The following SHISA6 variants were observed in gnomAD, a reference collection of about 807,000 sequenced individuals.
SHISA6 encodes protein shisa-6.
A neutral mutation model predicts 47.9 loss-of-function variants in SHISA6; 22 were observed. The ratio of observed to expected loss-of-function variants is 0.46; its 90% confidence interval spans 0.33 to 0.66. The LOEUF (loss-of-function observed/expected upper bound fraction) is 0.66. Ranked by LOEUF, SHISA6 falls within the 30% of genes least tolerant of loss-of-function variation. SHISA6 has a pLI of 0.02. For missense variants in SHISA6, 680 were observed against 764.6 expected, an observed-to-expected ratio of 0.89 and a Z score of 1.30; for synonymous variants, 388 against 337.8, an observed-to-expected ratio of 1.15 and a Z score of -1.63.
intron 2 of SHISA6, among the ~76,000 whole-genome samples, chr17:11,327,119 A>G (rs1910923733): frequency 6.6e-6 from 1 of 152,230 alleles, no homozygotes; most frequent in African/African-American, 2.4e-5. Flanking sequence ...TGTTGAGGAT[A>G]GATGAGTCTA....
intron 2 of SHISA6, among the ~76,000 whole-genome samples, chr17:11,327,042 T>C (rs1910919098): frequency 1.3e-5 from 2 of 152,320 alleles, no homozygotes; most frequent in Admixed American, 1.3e-4. Flanking sequence ...GGAGGAGCCG[T>C]AGGGTTGGAA....
Position 11,312,380 on chromosome 17 carries a change from CTGTT to C in SHISA6, c.799+48859_799+48862del, listed in dbSNP as rs571741689. Among the ~76,000 whole-genome samples the C allele has an allele frequency of 1.3e-3, 194 of 152,220 alleles. 1 individual carries two copies. The highest frequency in any genetic ancestry group is 6.8e-3 in the Middle Eastern group (2 of 294). The stretch of plus-strand genomic sequence containing the variant: ...TAATTTTTGCTATGTATTATTCTCA[CTGTT>C]TGTTATGGTTTTTAATTAGTCAATT... On this transcript the variant is annotated intron_variant, in intron 2 of 5. Transcript: ENST00000441885.
At chr17:11,325,464 C>G (rs550827158) in intron 2 of SHISA6, among the ~76,000 whole-genome samples, 4 of 152,326 alleles carry the variant, frequency 2.6e-5, no homozygotes, top group African/African-American at 4.8e-5. Context: ...ATTCCAGCCC[C>G]TAATTCCGGG....
intron 3 of SHISA6, among the ~76,000 whole-genome samples, chr17:11,529,513 C>T (rs761181252): frequency 2.1e-4 from 32 of 152,216 alleles, no homozygotes; most frequent in Non-Finnish European, 3.5e-4. Flanking sequence ...ATGCCAAAAG[C>T]GAAACCATAC....
At chr17:11,446,995 T>C (rs908294927) in intron 3 of SHISA6, among the ~76,000 whole-genome samples, 3 of 152,224 alleles carry the variant, frequency 2.0e-5, no homozygotes, top group African/African-American at 7.2e-5. Context: ...ACCTTCTCTC[T>C]GTGGTTTTCC....
intron 3 of SHISA6, among the ~76,000 whole-genome samples, chr17:11,496,647 G>A (rs1597551345): frequency 6.6e-6 from 1 of 151,936 alleles, no homozygotes; most frequent in Non-Finnish European, 1.5e-5. Flanking sequence ...GCTGAGGCAG[G>A]AGAATCACTT....
chr17:11,256,077 C>T (rs377624880), intron 1 of SHISA6, among the ~76,000 whole-genome samples: 25 of 152,326 alleles, frequency 1.6e-4, no homozygotes, highest in Admixed American at 4.6e-4. Flanking sequence ...TGCTAACAAC[C>T]GCCAAGTGGC....
chr17:11,423,278 C>CAT (rs1323778327), intron 3 of SHISA6, among the ~76,000 whole-genome samples: 1 of 144,586 alleles, frequency 6.9e-6, no homozygotes, highest in Admixed American at 7.0e-5. Context: ...ATGGCAGTAA[C>CAT]ATATATATAT....
At chr17:11,502,225 C>G (rs1041582053) in intron 3 of SHISA6, among the ~76,000 whole-genome samples, 1 of 148,226 alleles carries the variant, frequency 6.7e-6, no homozygotes, top group Admixed American at 6.7e-5. Context: ...CTGGCTAACA[C>G]GGTGAAACCC....
intron 2 of SHISA6, among the ~76,000 whole-genome samples, chr17:11,363,055 C>T (rs1476135792): frequency 6.6e-6 from 1 of 152,212 alleles, no homozygotes; most frequent in Non-Finnish European, 1.5e-5. Context: ...GTCTCTTTCC[C>T]TCATTCCTCA....
chr17:11,331,498 C>T (rs1416661927), intron 2 of SHISA6, among the ~76,000 whole-genome samples: 2 of 152,082 alleles, frequency 1.3e-5, no homozygotes, highest in African/African-American at 4.8e-5. Context: ...TTCTCCCTCC[C>T]TTCAGTTTTC....
chr17:11,286,901 C>T (rs918046308), intron 2 of SHISA6, among the ~76,000 whole-genome samples: 3 of 152,126 alleles, frequency 2.0e-5, no homozygotes, highest in Admixed American at 2.0e-4. Context: ...AGGTGATGTC[C>T]TGAATGCCTG....
intron 2 of SHISA6, among the ~76,000 whole-genome samples, chr17:11,283,145 A>G (rs1461499315): frequency 6.6e-6 from 1 of 152,238 alleles, no homozygotes; most frequent in African/African-American, 2.4e-5. Flanking sequence ...GTGTGCCCAC[A>G]TGAATATTAA....
intron 3 of SHISA6, among the ~76,000 whole-genome samples, chr17:11,405,457 T>C (rs1913919579): frequency 6.6e-6 from 1 of 152,018 alleles, no homozygotes; most frequent in African/African-American, 2.4e-5. Flanking sequence ...ATCATACTTC[T>C]GGGGCTGGGA....
intron 3 of SHISA6, among the ~76,000 whole-genome samples, chr17:11,496,736 C>T (rs893821451): frequency 3.0e-5 from 4 of 133,196 alleles, no homozygotes; most frequent in Non-Finnish European, 4.8e-5. Context: ...GAGACTCCAT[C>T]TCAAAAAAAA....
At chr17:11,542,662 G>A (rs973893706) in intron 3 of SHISA6, among the ~76,000 whole-genome samples, 2 of 152,078 alleles carry the variant, frequency 1.3e-5, no homozygotes, top group Non-Finnish European at 2.9e-5. Context: ...GGAGTTATTT[G>A]TTGCCTCAAA....
intron 1 of SHISA6, among the ~76,000 whole-genome samples, chr17:11,243,932 T>C (rs1192107094): frequency 1.3e-5 from 2 of 152,196 alleles, no homozygotes; most frequent in Non-Finnish European, 2.9e-5. Context: ...TCACACAGTT[T>C]ATTCGTCATC....
At chr17:11,281,091 A>G (rs1909101724) in intron 2 of SHISA6, among the ~76,000 whole-genome samples, 2 of 152,206 alleles carry the variant, frequency 1.3e-5, no homozygotes, top group South Asian at 4.1e-4. Flanking sequence ...TTTTACAAAC[A>G]ATTATACCAT....
At chr17:11,438,383 G>A (rs1393263342) in intron 3 of SHISA6, among the ~76,000 whole-genome samples, 1 of 152,154 alleles carries the variant, frequency 6.6e-6, no homozygotes. Flanking sequence ...CAGACTGGGG[G>A]AGCTAAGCAA....
Sources: gnomAD v4.1 joint callset for allele counts (sites outside exome capture counted in the v4.1 genomes callset) on GRCh38, gnomAD v4.1.1 for gene constraint, MANE v1.5 for transcripts, NCBI Gene and HGNC (gene_info 2026-07-23, HGNC 2026-07-21) for gene names.